Variants in ABAT observed in about 807,000 individuals in gnomAD.
ABAT encodes the protein 4-aminobutyrate aminotransferase, mitochondrial.
Under a neutral mutation model 64.6 loss-of-function variants are expected in ABAT, and 45 were observed. The observed-to-expected ratio is 0.70, with a 90% CI of 0.55 to 0.89. ABAT has a LOEUF of 0.89. Among genes scored for constraint, ABAT ranks in the 40% least tolerant of loss-of-function variants. The probability of loss-of-function intolerance (pLI) is 0.00; values close to 1 mark genes in which losing one functional copy is unlikely to be tolerated. For missense variants in ABAT, 633 were observed against 658.4 expected (o/e 0.96, Z 0.42); for synonymous variants, 297 against 250.5 (o/e 1.19, Z -1.75).
intron 4 of ABAT, 134 bp downstream of exon 4, chr16:8,748,271 T>C (rs1641011): frequency 2.6e-6 from 2 of 769,564 alleles, no homozygotes; most frequent in South Asian, 3.7e-5. Context: ...TTTTTCTCAT[T>C]TCCTTTGTGA....
intron 1 of ABAT, among the ~76,000 whole-genome samples, chr16:8,679,357 T>A (rs1471814403): frequency 1.3e-5 from 2 of 152,154 alleles, no homozygotes; most frequent in Non-Finnish European, 2.9e-5. Flanking sequence ...CCTTCCTTAC[T>A]GTGGGGAAAT....
chr16:8,678,264 C>G (rs1004920964), intron 1 of ABAT, among the ~76,000 whole-genome samples: 7 of 152,142 alleles, frequency 4.6e-5, no homozygotes, highest in East Asian at 1.9e-4. Context: ...CGGGTGGTCT[C>G]TAACTCCTAG....
intron 1 of ABAT, among the ~76,000 whole-genome samples, chr16:8,717,821 C>T (rs1310813508): frequency 6.8e-6 from 1 of 147,678 alleles, no homozygotes; most frequent in Non-Finnish European, 1.5e-5. Context: ...CAAATCACCT[C>T]TTTTTTTTTT....
intron 3 of ABAT, among the ~76,000 whole-genome samples, chr16:8,746,725 A>G (rs905939143): frequency 2.6e-5 from 4 of 151,882 alleles, no homozygotes; most frequent in African/African-American, 7.3e-5. Flanking sequence ...AAAAAAAAAG[A>G]AAAAGAAGCC....
At chr16:8,751,766 T>C (rs1274329408) in intron 5 of ABAT, among the ~76,000 whole-genome samples, 2 of 152,112 alleles carry the variant, frequency 1.3e-5, no homozygotes, top group Non-Finnish European at 2.9e-5. Flanking sequence ...ACCTGCCCAG[T>C]AAAAGTGACC....
At chr16:8,717,632 G>T (rs1203973747) in intron 1 of ABAT, among the ~76,000 whole-genome samples, 1 of 152,088 alleles carries the variant, frequency 6.6e-6, no homozygotes, top group African/African-American at 2.4e-5. Context: ...CAATCCATCA[G>T]GCACCTCTTT....
At chr16:8,710,727 A>AGAGAGAGAGAGAGAGTGAGAGGGAGG (rs146344975) in intron 1 of ABAT, among the ~76,000 whole-genome samples, 1 of 103,698 alleles carries the variant, frequency 9.6e-6, no homozygotes, top group Non-Finnish European at 2.1e-5. Context: ...AGAGAGAGAG[A>AGAGAGAGAGAGAGAGTGAGAGGGAGG]GAGGAAATAG....
intron 1 of ABAT, among the ~76,000 whole-genome samples, chr16:8,677,769 T>C (rs2057238164): frequency 6.6e-6 from 1 of 152,194 alleles, no homozygotes; most frequent in Non-Finnish European, 1.5e-5. Context: ...GCTGGTCTAA[T>C]ACATGGCCTT....
At chr16:8,701,002 A>G (rs2057810205) in intron 1 of ABAT, among the ~76,000 whole-genome samples, 2 of 151,298 alleles carry the variant, frequency 1.3e-5, no homozygotes. Context: ...CAGTGCTGCA[A>G]TCTTGGCTCA....
chr16:8,705,259 GGAGA>G (rs956254328), intron 1 of ABAT, among the ~76,000 whole-genome samples: 1 of 151,064 alleles, frequency 6.6e-6, no homozygotes, highest in Admixed American at 6.6e-5. Flanking sequence ...CAAGGTGGCA[GGAGA>G]GAGAGAGAGA....
intron 11 of ABAT, among the ~76,000 whole-genome samples, chr16:8,769,725 C>G (rs2060049259): frequency 6.6e-6 from 1 of 152,120 alleles, no homozygotes; most frequent in South Asian, 2.1e-4. Flanking sequence ...AGGCTGAGGA[C>G]AGGCAGCACC....
chr16:8,727,282 C>T (rs950265209), intron 1 of ABAT, among the ~76,000 whole-genome samples: 1 of 152,122 alleles, frequency 6.6e-6, no homozygotes, highest in Non-Finnish European at 1.5e-5. Context: ...AATTGTTGCT[C>T]GAGTTGGCTC....
chr16:8,734,047 C>A (rs2058840134), intron 1 of ABAT, among the ~76,000 whole-genome samples: 1 of 152,140 alleles, frequency 6.6e-6, no homozygotes, highest in Non-Finnish European at 1.5e-5. Flanking sequence ...CAATGGACGT[C>A]TAGGTTGCTT....
rs1466972420 is a variant in ABAT at position 8,781,158 on chromosome 16, G to A, written c.1382-151G>A. On this transcript the variant is annotated intron_variant, in intron 15 of 15. Coordinates refer to ENST00000268251, the MANE Select transcript of ABAT (RefSeq NM_020686.6). This position sits in a 1 kb window ranked among gnomAD's most constrained non-coding sequence, Gnocchi z 4.5. ...ATGAAGACTGGATGGGTGGGTGGTA[G>A]GAAGGAAGCCCGGGCTTCCATGATG... 4.2e-6 allele frequency: 5 copies of A among 1,202,144 alleles called. No homozygotes were observed. Among genetic ancestry groups the A allele is most frequent in the Non-Finnish European group, 6.1e-6 (5 of 813,780 alleles). 74.5% of individuals were successfully genotyped at this position (1,202,144 alleles called of 1,614,324 possible).
chr16:8,701,960 G>A (rs2057833748), intron 1 of ABAT, among the ~76,000 whole-genome samples: 1 of 151,980 alleles, frequency 6.6e-6, no homozygotes, highest in Non-Finnish European at 1.5e-5. Flanking sequence ...GGGACATGGA[G>A]GTGTAGGTGT....
At chr16:8,754,702 CTTTCTTTCTTTCTTTCTTTCTTT>C (rs2059599410) in intron 5 of ABAT, among the ~76,000 whole-genome samples, 2 of 26,078 alleles carry the variant, frequency 7.7e-5, no homozygotes, top group Admixed American at 4.2e-4. Flanking sequence ...TTCTTTCTTT[CTTTCTTTCTTTCTTTCTTTCTTT>C]TTTTTTTCTT....
intron 1 of ABAT, among the ~76,000 whole-genome samples, chr16:8,692,549 G>A (rs766009509): frequency 6.6e-6 from 1 of 152,150 alleles, no homozygotes; most frequent in Non-Finnish European, 1.5e-5. Flanking sequence ...TAGGGGGATT[G>A]AGAGGAAAAT....
chr16:8,724,165 G>A (rs1218749588), intron 1 of ABAT, among the ~76,000 whole-genome samples: 4 of 151,666 alleles, frequency 2.6e-5, no homozygotes, highest in African/African-American at 9.7e-5. Flanking sequence ...CTAAAACCCA[G>A]GCTCAAATAC....
chr16:8,691,288 C>T (rs899920404), intron 1 of ABAT, among the ~76,000 whole-genome samples: 2 of 152,270 alleles, frequency 1.3e-5, no homozygotes, highest in African/African-American at 4.8e-5. Context: ...AGAACTTGCA[C>T]CAGGTCCTCA....
Sources: gnomAD v4.1 joint callset for allele counts (sites outside exome capture counted in the v4.1 genomes callset) on GRCh38, gnomAD v4.1.1 for gene constraint, Gnocchi (gnomAD v3.1) non-coding constraint, MANE v1.5 for transcripts, NCBI Gene and HGNC (gene_info 2026-07-23, HGNC 2026-07-21) for gene names.